DTNA: variants seen among roughly 807,000 people sequenced by gnomAD.
DTNA encodes the protein dystrobrevin alpha, also known as dystrophin-related protein 3.
In DTNA, 43 loss-of-function variants were observed where a neutral mutation model predicts 100.7. That is an observed-to-expected ratio of 0.43 (90% CI 0.33 to 0.55). The LOEUF (loss-of-function observed/expected upper bound fraction) is 0.55, where lower values mean the gene tolerates loss of function less well. Among genes scored for constraint, DTNA ranks in the 20% least tolerant of loss-of-function variants. The pLI is 0.04. For synonymous variants in DTNA, 349 were observed against 347.9 expected (o/e 1.00, Z -0.04); for missense variants, 798 against 953.9 (o/e 0.84, Z 2.15).
At chr18:34,867,483 C>A (rs2096718392) in intron 17 of DTNA, 3 of 1,210,426 alleles carry the variant, frequency 2.5e-6, no homozygotes, top group Non-Finnish European at 3.1e-6. Context: ...ATTGTATTTC[C>A]AATACACTTA....
At position 34,786,848 on chromosome 18, in the gene DTNA, C is replaced by A. The variant is rs575414268; in HGVS notation, c.149-7189C>A. On this transcript the variant is annotated intron_variant, in intron 3 of 22. Coordinates refer to ENST00000444659, the MANE Select transcript of DTNA (RefSeq NM_001386795.1). The stretch of plus-strand genomic sequence containing the variant: ...CCTTATACAAATCACTGTTAAACTG[C>A]ATAAATTAATTTATGGTAATCAGCT... Among the ~76,000 whole-genome samples the A allele has an allele frequency of 4.0e-4, 61 of 152,256 alleles. 1 individual carries two copies. In the South Asian group the frequency reaches 0.012, roughly 29 times the overall value.
At chr18:34,642,963 C>A (rs1278796023) in intron 1 of DTNA, among the ~76,000 whole-genome samples, 46 of 152,202 alleles carry the variant, frequency 3.0e-4, no homozygotes, top group Non-Finnish European at 7.4e-5. Context: ...ACTGCCCTGT[C>A]CCAAACTAAC....
chr18:34,679,461 G>C (rs1397165183), intron 1 of DTNA: 1 of 152,132 alleles, frequency 6.6e-6, no homozygotes, highest in Non-Finnish European at 1.5e-5. Context: ...CTACTTTCTC[G>C]TTGCAGATAA....
At chr18:34,617,700 A>G (rs964093021) in intron 1 of DTNA, among the ~76,000 whole-genome samples, 6 of 152,196 alleles carry the variant, frequency 3.9e-5, no homozygotes, top group Non-Finnish European at 7.4e-5. Flanking sequence ...TAATAATGGT[A>G]CTGGCTCTTC....
chr18:34,564,170 T>G (rs1187720894), intron 1 of DTNA, among the ~76,000 whole-genome samples: 1 of 150,824 alleles, frequency 6.6e-6, no homozygotes, highest in Non-Finnish European at 1.5e-5. Flanking sequence ...TGAGATGGAG[T>G]CTCCCTCTAT....
At chr18:34,594,463 T>C (rs1182790856) in intron 1 of DTNA, among the ~76,000 whole-genome samples, 1 of 152,220 alleles carries the variant, frequency 6.6e-6, no homozygotes. Context: ...GAAATTCTAC[T>C]TTATATGGGG....
chr18:34,618,363 A>T (rs2055763304), intron 1 of DTNA, among the ~76,000 whole-genome samples: 1 of 152,216 alleles, frequency 6.6e-6, no homozygotes, highest in African/African-American at 2.4e-5. Flanking sequence ...AGACAGAAGG[A>T]TTAATCATTG....
intron 1 of DTNA, among the ~76,000 whole-genome samples, chr18:34,742,478 A>T (rs549653253): frequency 1.1e-4 from 17 of 152,052 alleles, no homozygotes; most frequent in African/African-American, 4.1e-4. Flanking sequence ...CTTTATGAGA[A>T]CTCCAATAAT....
Position 34,765,963 on chromosome 18 carries a change from G to C in DTNA, c.70G>C (p.Ala24Pro). The C allele has an allele frequency of 6.2e-7, 1 of 1,613,668 alleles. No individual in the cohort carries two copies. Among genetic ancestry groups the C allele is most frequent in the Non-Finnish European group, 8.5e-7 (1 of 1,179,698 alleles). ...ERRQLFAEMR[A>P]QDLDRIRLST... is the part of the protein sequence containing the mutation. ...TGTGTCCTTTTTCCCCGCACTAGGG[G>C]CTCAAGATCTGGATCGCATCCGACT... is the stretch of plus-strand genomic sequence containing the variant. Residue 24 changes from alanine to proline, a missense_variant and splice_region_variant, in exon 3 of 23, where the codon GCT becomes CCT. By Grantham distance (27) the Ala-to-Pro change is conservative (BLOSUM62 -1). Coordinates refer to ENST00000444659, the MANE Select transcript of DTNA (RefSeq NM_001386795.1).
intron 1 of DTNA, among the ~76,000 whole-genome samples, chr18:34,596,873 C>T (rs1598845450): frequency 6.6e-6 from 1 of 151,898 alleles, no homozygotes; most frequent in South Asian, 2.1e-4. Context: ...TTTAATTATA[C>T]GCAAGTTGTG....
intron 3 of DTNA, among the ~76,000 whole-genome samples, chr18:34,786,631 A>T (rs2094518819): frequency 6.6e-6 from 1 of 152,134 alleles, no homozygotes; most frequent in Admixed American, 6.6e-5. Flanking sequence ...ACACACACAC[A>T]CACAAAACCA....
intron 1 of DTNA, among the ~76,000 whole-genome samples, chr18:34,752,809 A>G (rs2092433877): frequency 6.6e-6 from 1 of 152,234 alleles, no homozygotes; most frequent in African/African-American, 2.4e-5. Flanking sequence ...ATCAAAAAAA[A>G]CATGAGGAAT....
chr18:34,836,112 A>G lies in DTNA; in HGVS notation c.1176-1982A>G, dbSNP rs796613029. On this transcript the variant is annotated intron_variant, in intron 11 of 22. Transcript: ENST00000444659. Reference sequence around the variant, plus strand: ...ACTGTAGGTACTGCATAATGAATGTATGGAGATCTGCTTCAGTAGACAAAG... The same window carrying G: ...ACTGTAGGTACTGCATAATGAATGTGTGGAGATCTGCTTCAGTAGACAAAG... Among the ~76,000 whole-genome samples, 9 of 152,308 alleles carry G rather than the reference A, an allele frequency of 5.9e-5. 1 individual carries two copies. Among genetic ancestry groups the G allele is most frequent in the East Asian group, 1.9e-4 (1 of 5,176 alleles).
At chr18:34,707,335 T>C (rs975125407), upstream of DTNA, among the ~76,000 whole-genome samples, 3 of 152,186 alleles carry the variant, frequency 2.0e-5, no homozygotes, top group African/African-American at 7.2e-5. Context: ...ATTCTTCATA[T>C]GAAATTAAGT....
At chr18:34,724,326 T>C (rs1447536520) in intron 1 of DTNA, among the ~76,000 whole-genome samples, 1 of 152,232 alleles carries the variant, frequency 6.6e-6, no homozygotes, top group African/African-American at 2.4e-5. Flanking sequence ...TAAAGTCATT[T>C]CATAGCTAAA....
intron 1 of DTNA, among the ~76,000 whole-genome samples, chr18:34,618,948 A>G (rs925294509): frequency 2.6e-5 from 4 of 152,176 alleles, no homozygotes; most frequent in Admixed American, 6.5e-5. Flanking sequence ...GACAGATACA[A>G]TAGAAGCCCC....
intron 4 of DTNA, among the ~76,000 whole-genome samples, chr18:34,805,381 G>A (rs2095334098): frequency 6.6e-6 from 1 of 152,082 alleles, no homozygotes; most frequent in Non-Finnish European, 1.5e-5. Flanking sequence ...CTGGAGTGCA[G>A]TGGCACAATG....
At chr18:34,688,127 T>G (rs1180790576) in intron 1 of DTNA, among the ~76,000 whole-genome samples, 1 of 152,230 alleles carries the variant, frequency 6.6e-6, no homozygotes, top group African/African-American at 2.4e-5. Context: ...CATTGGAGCA[T>G]TTAGCCCATT....
At chr18:34,745,955 A>G (rs1601318716) in intron 1 of DTNA, among the ~76,000 whole-genome samples, 1 of 152,082 alleles carries the variant, frequency 6.6e-6, no homozygotes, top group African/African-American at 2.4e-5. Context: ...CCAGCTAAAT[A>G]CCTCCTTGTC....
Sources: gnomAD v4.1 joint callset for allele counts (sites outside exome capture counted in the v4.1 genomes callset) on GRCh38, gnomAD v4.1.1 for gene constraint, MANE v1.5 for transcripts, NCBI Gene and HGNC (gene_info 2026-07-23, HGNC 2026-07-21) for gene names.